Variants in C7 observed in about 807,000 individuals in gnomAD.
C7 encodes the protein complement C7, also known as complement component C7.
Under a neutral mutation model 104.8 loss-of-function variants are expected in C7, and 83 were observed. The ratio of observed to expected loss-of-function variants is 0.79; its 90% confidence interval spans 0.66 to 0.95. The LOEUF (loss-of-function observed/expected upper bound fraction) is 0.95. C7 is among the 40% of genes least tolerant of loss of function. The probability of loss-of-function intolerance (pLI) is 0.00; values close to 1 mark genes in which losing one functional copy is unlikely to be tolerated. For missense variants in C7, 1,070 were observed against 1,011.2 expected (o/e 1.06, Z -0.79); for synonymous variants, 415 against 360.6 (o/e 1.15, Z -1.71).
In C7 at chr5:40,954,546, T is replaced by A. The variant is rs191937095; in HGVS notation, c.1094-841T>A. Among the ~76,000 whole-genome samples the A allele has an allele frequency of 1.9e-3, 287 of 152,184 alleles. 2 individuals carry two copies. The highest frequency in any genetic ancestry group is 6.5e-3 in the African/African-American group (271 of 41,550). On this transcript the variant is annotated intron_variant, in intron 9 of 17. Coordinates refer to ENST00000313164, the MANE Select transcript of C7 (RefSeq NM_000587.4). ...GAACATGAACAATAATTCCCTAATA[T>A]CATCTGCTCTCAGGCAAGAGTTGTT...
intron 11 of C7, 129 bp from the exon 12 acceptor site, chr5:40,959,320 A>G (rs1364989664): frequency 3.8e-6 from 3 of 794,874 alleles, no homozygotes; most frequent in Non-Finnish European, 5.9e-6. Context: ...GAAAACCTCA[A>G]TGAAGAGTGA....
chr5:40,927,172 G>T (rs534279695), intron 1 of C7, among the ~76,000 whole-genome samples: 1 of 152,144 alleles, frequency 6.6e-6, no homozygotes, highest in African/African-American at 2.4e-5. Flanking sequence ...TTAATAAATG[G>T]TATTGGGAAA....
At chr5:40,934,184 G>A (rs533208302) in intron 3 of C7, 141 bp from the exon 4 acceptor site, 8 of 804,388 alleles carry the variant, frequency 9.9e-6, no homozygotes, top group African/African-American at 7.0e-5. Flanking sequence ...TATTTCTGTA[G>A]AACACCAGAA....
intron 15 of C7, among the ~76,000 whole-genome samples, chr5:40,975,640 G>A (rs6878095): frequency 0.59 from 90,042 of 151,900 alleles, 27,420 homozygotes; most frequent in African/African-American, 0.75. Context: ...CTGAGATTAC[G>A]GGCGTGAGCC....
At chr5:40,938,525 G>A (rs1334423921) in intron 6 of C7, among the ~76,000 whole-genome samples, 2 of 152,030 alleles carry the variant, frequency 1.3e-5, no homozygotes, top group Non-Finnish European at 1.5e-5. Flanking sequence ...AGCTTCTCCA[G>A]GGCATACACC....
intron 14 of C7, among the ~76,000 whole-genome samples, chr5:40,971,091 G>GT (rs1263721417): frequency 6.6e-6 from 1 of 152,082 alleles, no homozygotes; most frequent in Non-Finnish European, 1.5e-5. Flanking sequence ...AACCCTTTGG[G>GT]TATATACCCA....
chr5:40,956,649 A>T (rs1238174512), intron 10 of C7, among the ~76,000 whole-genome samples: 1 of 152,258 alleles, frequency 6.6e-6, no homozygotes, highest in Non-Finnish European at 1.5e-5. Context: ...TCTATGATTT[A>T]TTCCCTGCAT....
At chr5:40,938,954 G>T (rs1379734468) in intron 6 of C7, among the ~76,000 whole-genome samples, 1 of 152,148 alleles carries the variant, frequency 6.6e-6, no homozygotes, top group Non-Finnish European at 1.5e-5. Flanking sequence ...TCAACACAAC[G>T]AAATTTCTGG....
chr5:40,963,409 CAAGGTGGAGG>C (rs1740463085), intron 13 of C7, among the ~76,000 whole-genome samples: 1 of 152,082 alleles, frequency 6.6e-6, no homozygotes, highest in Non-Finnish European at 1.5e-5. Context: ...TTTGTTTTTG[CAAGGTGGAGG>C]AAGGAATAGG....
chr5:40,916,064 T>C (rs1739309649), intron 1 of C7, among the ~76,000 whole-genome samples: 1 of 152,190 alleles, frequency 6.6e-6, no homozygotes, highest in East Asian at 1.9e-4. Context: ...AATTGTATCT[T>C]CTCCATCACC....
chr5:40,944,439 T>C (rs1740004259), intron 6 of C7, among the ~76,000 whole-genome samples: 2 of 152,248 alleles, frequency 1.3e-5, no homozygotes, highest in African/African-American at 4.8e-5. Context: ...GAGTGTTGTG[T>C]GTCCCTTTTA....
At chr5:40,915,993 C>T (rs1394150573) in intron 1 of C7, among the ~76,000 whole-genome samples, 4 of 152,180 alleles carry the variant, frequency 2.6e-5, no homozygotes, top group Admixed American at 1.3e-4. Flanking sequence ...ATTTTAAAGT[C>T]CTTTATCCAG....
At chr5:40,942,263 T>C (rs952022579) in intron 6 of C7, among the ~76,000 whole-genome samples, 1 of 152,206 alleles carries the variant, frequency 6.6e-6, no homozygotes, top group African/African-American at 2.4e-5. Context: ...TTATTTTAGT[T>C]GGTTGTATTA....
In C7 at chr5:40,937,705, A is replaced by C; in HGVS notation, c.567+15A>C. The C allele has an allele frequency of 6.5e-7, 1 of 1,542,164 alleles. No individual in the cohort carries two copies. On this transcript the variant is annotated intron_variant, in intron 6 of 17. Coordinates refer to ENST00000313164, the MANE Select transcript of C7 (RefSeq NM_000587.4). ...ATACATTCCAGGTACTTACGACGTT[A>C]TTGATTTCCAATCTGGAATTGTCAG...
chr5:40,965,036 C>T (rs573961023), intron 14 of C7, among the ~76,000 whole-genome samples, 163 bp downstream of exon 14: 1 of 152,174 alleles, frequency 6.6e-6, no homozygotes, highest in Non-Finnish European at 1.5e-5. Flanking sequence ...ATAAGCCCTC[C>T]GCCTTCTCTA....
In C7 at chr5:40,931,158, T is replaced by A; in HGVS notation, c.138+19T>A. Reference sequence around the variant, plus strand: ...GACTCAGGTAGGACCATGCAAAACTTTGTATTTGATTATTTATTGCAGAAA... The same window carrying A: ...GACTCAGGTAGGACCATGCAAAACTATGTATTTGATTATTTATTGCAGAAA... On this transcript the variant is annotated intron_variant, in intron 3 of 17. Coordinates refer to ENST00000313164, the MANE Select transcript of C7 (RefSeq NM_000587.4). The A allele has an allele frequency of 1.3e-6, 2 of 1,582,140 alleles. No individual in the cohort carries two copies. Among genetic ancestry groups the A allele is most frequent in the African/African-American group, 1.3e-5 (1 of 74,360 alleles).
chr5:40,922,080 A>G (rs901270895), intron 1 of C7, among the ~76,000 whole-genome samples: 1 of 146,310 alleles, frequency 6.8e-6, no homozygotes, highest in Admixed American at 7.0e-5. Context: ...AAACAACAAC[A>G]AAAAATACAT....
intron 12 of C7, among the ~76,000 whole-genome samples, chr5:40,960,176 C>T (rs2675982): frequency 0.053 from 8,024 of 152,216 alleles, 321 homozygotes; most frequent in Admixed American, 0.083. Flanking sequence ...TGTCAGGACC[C>T]TGCAAAAGCC....
At chr5:40,916,170 T>C (rs766118595) in intron 1 of C7, among the ~76,000 whole-genome samples, 5 of 152,176 alleles carry the variant, frequency 3.3e-5, no homozygotes, top group Non-Finnish European at 5.9e-5. Context: ...AATAAACTAT[T>C]ATGCTTTATT....
Sources: allele counts gnomAD v4.1 joint callset (sites outside exome capture counted in the v4.1 genomes callset), GRCh38; gene constraint gnomAD v4.1.1; transcripts MANE v1.5; gene names NCBI Gene and HGNC (gene_info 2026-07-23, HGNC 2026-07-21).